Variants in PCDHA12 observed in about 807,000 individuals in gnomAD.
PCDHA12 encodes protocadherin alpha-12.
Under a neutral mutation model 60.0 loss-of-function variants are expected in PCDHA12, and 44 were observed. That is an observed-to-expected ratio of 0.73 (90% CI 0.58 to 0.94). The LOEUF is 0.94. Among genes scored for constraint, PCDHA12 ranks in the 40% least tolerant of loss-of-function variants. The pLI is 0.00. For synonymous variants in PCDHA12, 569 were observed against 553.0 expected, an observed-to-expected ratio of 1.03 and a Z score of -0.40; for missense variants, 1,276 against 1,239.7, an observed-to-expected ratio of 1.03 and a Z score of -0.44.
chr5:140,969,464 C>A, intron 1 of PCDHA12: 1 of 1,491,558 alleles, frequency 6.7e-7, no homozygotes. Flanking sequence ...ATATAGTATC[C>A]ACAATTTGAT....
intron 1 of PCDHA12, among the ~76,000 whole-genome samples, chr5:140,920,262 T>A (rs1199241403): frequency 2.0e-5 from 3 of 152,216 alleles, no homozygotes; most frequent in African/African-American, 7.2e-5. Flanking sequence ...ATAATAATTA[T>A]TACTTTATGT....
At chr5:140,883,952 G>C (rs782014250) in intron 1 of PCDHA12, 17 of 1,613,030 alleles carry the variant, frequency 1.1e-5, no homozygotes, top group Non-Finnish European at 1.4e-5. Context: ...GAACGACAAC[G>C]CTCCGGCGCT....
chr5:141,008,241 C>G (rs1474460463), intron 3 of PCDHA12, among the ~76,000 whole-genome samples: 2 of 152,118 alleles, frequency 1.3e-5, no homozygotes, highest in African/African-American at 2.4e-5. Flanking sequence ...TGCTCAGGGA[C>G]ACCAAATTAG....
intron 3 of PCDHA12, among the ~76,000 whole-genome samples, chr5:141,007,388 TAAAATAC>T (rs1451350698): frequency 1.5e-5 from 1 of 67,196 alleles, no homozygotes; most frequent in Non-Finnish European, 2.7e-5. Context: ...CCATCTCTAC[TAAAATAC>T]AAAAAAAAAA....
rs781884794 is a variant in PCDHA12 at position 140,876,899 on chromosome 5, C to T, written c.1427C>T (p.Thr476Met). ...AACCCGCCGGGCTGCCACATCTTCA[C>T]GGTGTCGGCATGGGACGCGGACGCG... is the stretch of plus-strand genomic sequence containing the variant. ...ENNPPGCHIF[T>M]VSAWDADAQK... is the part of the protein sequence containing the mutation. The change falls in exon 1 of 4, where the codon ACG becomes ATG. Residue 476 changes from threonine to methionine, a missense_variant. By Grantham distance (81) the Thr-to-Met change is moderately conservative. Transcript: ENST00000398631. 1.2e-6 allele frequency: 2 copies of T among 1,614,092 alleles called. No homozygotes were observed. The highest frequency in any genetic ancestry group is 2.2e-5 in the South Asian group (2 of 91,080).
chr5:140,961,748 A>G (rs2095633419), intron 1 of PCDHA12, among the ~76,000 whole-genome samples: 1 of 152,184 alleles, frequency 6.6e-6, no homozygotes, highest in Non-Finnish European at 1.5e-5. Flanking sequence ...GTAATATTAC[A>G]GTTTTGAAGG....
intron 1 of PCDHA12, among the ~76,000 whole-genome samples, chr5:140,894,550 T>C (rs943231588): frequency 3.3e-5 from 5 of 151,996 alleles, no homozygotes; most frequent in Non-Finnish European, 5.9e-5. Context: ...TAGTGTTTAC[T>C]TCTGAAAAAA....
chr5:140,877,341 C>G lies in PCDHA12; in HGVS notation c.1869C>G (p.His623Gln). Residue 623 changes from histidine to glutamine, a missense_variant, in exon 1 of 4, where the codon CAC (histidine) becomes CAG (glutamine). Transcript: ENST00000398631. ...CGGTCGGCGCGCACATCCCGTTCCACGTGGGGCTGTACACTGGCGAGATCA... is the reference window on the plus strand; with the variant it reads ...CGGTCGGCGCGCACATCCCGTTCCAGGTGGGGCTGTACACTGGCGAGATCA... ...PAAVGAHIPFHVGLYTGEIST... is the reference protein window; with the variant it reads ...PAAVGAHIPFQVGLYTGEIST... 3 of 1,614,010 alleles carry G rather than the reference C, an allele frequency of 1.9e-6. No individual in the cohort carries two copies. The highest frequency in any genetic ancestry group is 2.2e-5 in the South Asian group (2 of 91,078).
chr5:140,985,900 C>A (rs896937826), intron 3 of PCDHA12, among the ~76,000 whole-genome samples: 2 of 151,872 alleles, frequency 1.3e-5, no homozygotes, highest in Non-Finnish European at 2.9e-5. Context: ...CCACCACTCC[C>A]GTCTAATTTT....
At chr5:140,884,569 G>A (rs144735555) in intron 1 of PCDHA12, 2 of 1,614,008 alleles carry the variant, frequency 1.2e-6, no homozygotes, top group East Asian at 2.2e-5. Context: ...CGCATAAGAC[G>A]GACCTCATGG....
At chr5:140,982,878 C>T (rs2097013352) in intron 3 of PCDHA12, among the ~76,000 whole-genome samples, 1 of 151,992 alleles carries the variant, frequency 6.6e-6, no homozygotes, top group South Asian at 2.1e-4. Flanking sequence ...TCATCCAAGC[C>T]ATGCAGAGAA....
In PCDHA12 at chr5:140,877,734, G is replaced by A. The variant is rs2057311538; in HGVS notation, c.2262G>A (p.Arg754=). ...GGAGTTGGTCTTACTCGCAGCAGAG[G>A]AGGCAGAGGGTGTGCTCTGCAGAGA... ...AVGSWSYSQQ[R]RQRVCSAESP... is the part of the protein sequence containing the mutation. The change falls in exon 1 of 4, where the codon AGG becomes AGA. Residue 754 remains arginine, a synonymous_variant. Transcript: ENST00000398631. 1.9e-6 allele frequency: 3 copies of A among 1,614,070 alleles called. No homozygotes were observed. Among genetic ancestry groups the A allele is most frequent in the African/African-American group, 2.7e-5 (2 of 74,936 alleles).
chr5:140,979,972 C>T (rs1393315984), intron 2 of PCDHA12, among the ~76,000 whole-genome samples: 1 of 152,176 alleles, frequency 6.6e-6, no homozygotes, highest in East Asian at 1.9e-4. Context: ...CATTAAAATG[C>T]ATTAGATTGA....
chr5:140,883,826 C>G, intron 1 of PCDHA12: 1 of 1,612,622 alleles, frequency 6.2e-7, no homozygotes, highest in South Asian at 1.1e-5. Context: ...GGTGTACGCG[C>G]TGCAGCCGTT....
intron 1 of PCDHA12, among the ~76,000 whole-genome samples, chr5:140,891,207 GCTGTGTCTTTATAATCATC>G (rs2062985050): frequency 6.6e-6 from 1 of 152,054 alleles, no homozygotes; most frequent in Non-Finnish European, 1.5e-5. Context: ...GTTTTACCAT[GCTGTGTCTTTATAATCATC>G]CTGTTCTGGA....
chr5:140,938,455 T>C (rs1317742854), intron 1 of PCDHA12, among the ~76,000 whole-genome samples: 1 of 152,196 alleles, frequency 6.6e-6, no homozygotes, highest in East Asian at 1.9e-4. Flanking sequence ...TTCCCTTTGT[T>C]TTTTAATTTA....
chr5:140,903,172 C>T (rs2070066511), intron 1 of PCDHA12, among the ~76,000 whole-genome samples: 1 of 152,152 alleles, frequency 6.6e-6, no homozygotes, highest in Non-Finnish European at 1.5e-5. Flanking sequence ...GGTTTACATT[C>T]CCACCAATAG....
chr5:140,953,444 G>C (rs2094887278), intron 1 of PCDHA12, among the ~76,000 whole-genome samples: 1 of 152,088 alleles, frequency 6.6e-6, no homozygotes, highest in South Asian at 2.1e-4. Context: ...GGAGAAACTA[G>C]GGATTATCTG....
At position 140,877,671 on chromosome 5, in the gene PCDHA12, G is replaced by T. The variant is rs138162923; in HGVS notation, c.2199G>T (p.Ala733=). 2.5e-6 allele frequency: 4 copies of T among 1,613,620 alleles called. No individual in the cohort carries two copies. The South Asian group carries it at 3.3e-5, about 13-fold the overall frequency. The change falls in exon 1 of 4, where the codon GCG becomes GCT. Residue 733 remains alanine, a synonymous_variant. Coordinates refer to ENST00000398631, the MANE Select transcript of PCDHA12 (RefSeq NM_018903.4). ...CGCCGCCCACCGTGAGCCGGTGCGC[G>T]CCGGGCAAGCCCACGCTGGTGTGCT... ...CSAPPTVSRC[A]PGKPTLVCSS...
Sources: allele counts gnomAD v4.1 joint callset (sites outside exome capture counted in the v4.1 genomes callset), GRCh38; gene constraint gnomAD v4.1.1; transcripts MANE v1.5; gene names NCBI Gene and HGNC (gene_info 2026-07-23, HGNC 2026-07-21).